The following INPP5A variants were observed in gnomAD, a reference collection of about 807,000 sequenced individuals.
The protein encoded by INPP5A is 43 kDa inositol polyphosphate 5-phophatase.
In INPP5A, 14 loss-of-function variants were observed where a neutral mutation model predicts 65.2. The ratio of observed to expected loss-of-function variants is 0.21; its 90% CI spans 0.14 to 0.34. The LOEUF (loss-of-function observed/expected upper bound fraction) is 0.34. INPP5A is among the 10% of genes least tolerant of loss of function. INPP5A has a pLI of 1.00. For missense variants in INPP5A, 431 were observed against 545.6 expected, an observed-to-expected ratio of 0.79 and a Z score of 2.09; for synonymous variants, 207 against 208.3, an observed-to-expected ratio of 0.99 and a Z score of 0.05.
intron 2 of INPP5A, 44 bp downstream of exon 2, chr10:132,608,000 C>T: frequency 6.4e-7 from 1 of 1,573,462 alleles, no homozygotes; most frequent in African/African-American, 1.3e-5. Context: ...ATTACTTAGC[C>T]AATAAGGTGC....
chr10:132,726,548 G>A (rs1389823959), intron 8 of INPP5A, among the ~76,000 whole-genome samples: 2 of 152,244 alleles, frequency 1.3e-5, no homozygotes, highest in Admixed American at 1.3e-4. Flanking sequence ...GGGTGAGGAG[G>A]CAGCTGAGAC....
rs372829913 is a variant in INPP5A, at chr10:132,587,589, C to A, written c.76-20326C>A. 1.4e-4 allele frequency among the ~76,000 whole-genome samples: 22 copies of A among 152,328 alleles called. 1 individual carries two copies. The highest frequency in any genetic ancestry group is 1.1e-3 in the Admixed American group (17 of 15,302). On this transcript the variant is annotated intron_variant, in intron 1 of 15. Coordinates refer to ENST00000368594, the MANE Select transcript of INPP5A (RefSeq NM_005539.5). The surrounding 1 kb of genome is among the most constrained non-coding windows in gnomAD (Gnocchi z 4.3). ...TTTAAACCTGCCTGAACTCCAGCCT[C>A]TCCCTCTTTGTTGTTTGTATGCCGT...
intron 2 of INPP5A, among the ~76,000 whole-genome samples, chr10:132,615,885 G>T (rs75279807): frequency 0.023 from 3,530 of 152,240 alleles, 47 homozygotes; most frequent in South Asian, 0.039. Flanking sequence ...GCTCTGGGCG[G>T]CTGGGATAAA....
At chr10:132,728,406 A>G (rs1171114135) in intron 9 of INPP5A, among the ~76,000 whole-genome samples, 1 of 152,222 alleles carries the variant, frequency 6.6e-6, no homozygotes, top group Non-Finnish European at 1.5e-5. Context: ...CATCCTTGCT[A>G]GAATCCATGT....
intron 8 of INPP5A, among the ~76,000 whole-genome samples, chr10:132,712,966 G>A (rs1845673412): frequency 1.3e-5 from 2 of 151,492 alleles, no homozygotes; most frequent in Admixed American, 1.3e-4. Context: ...GTGGGTGCAT[G>A]TGGATCTGTG....
chr10:132,562,216 A>G (rs181520019), intron 1 of INPP5A, among the ~76,000 whole-genome samples: 2 of 152,344 alleles, frequency 1.3e-5, no homozygotes, highest in East Asian at 1.9e-4. Flanking sequence ...GGTGCCAGGC[A>G]TGACCTCTGC....
intron 12 of INPP5A, among the ~76,000 whole-genome samples, chr10:132,770,172 C>T (rs1170842310): frequency 6.6e-6 from 1 of 152,194 alleles, no homozygotes; most frequent in Non-Finnish European, 1.5e-5. Flanking sequence ...CAGCGTCCCC[C>T]TCAGGATGCT....
At chr10:132,617,122 G>A (rs1040206831) in intron 2 of INPP5A, among the ~76,000 whole-genome samples, 12 of 152,252 alleles carry the variant, frequency 7.9e-5, no homozygotes, top group Admixed American at 2.0e-4. Flanking sequence ...CAAACACCGC[G>A]CCCTGGTTGG....
At chr10:132,757,737 G>A (rs1254364035) in intron 11 of INPP5A, among the ~76,000 whole-genome samples, 1 of 132,424 alleles carries the variant, frequency 7.6e-6, no homozygotes, top group Non-Finnish European at 1.8e-5. Flanking sequence ...GTGGGTCCCC[G>A]GCCGACCCCA....
intron 11 of INPP5A, among the ~76,000 whole-genome samples, chr10:132,751,959 A>G (rs1313155982): frequency 5.0e-4 from 27 of 54,274 alleles, no homozygotes; most frequent in South Asian, 2.1e-3. Context: ...CGTCTGCGTG[A>G]AAGGGGGTGC....
At chr10:132,683,108 T>C (rs1202225103) in intron 4 of INPP5A, among the ~76,000 whole-genome samples, 1 of 151,874 alleles carries the variant, frequency 6.6e-6, no homozygotes, top group African/African-American at 2.4e-5. Context: ...TGTGTTATCC[T>C]ATGTGGAGGG....
intron 4 of INPP5A, among the ~76,000 whole-genome samples, chr10:132,658,332 T>C (rs2072686538): frequency 6.6e-6 from 1 of 152,192 alleles, no homozygotes; most frequent in Non-Finnish European, 1.5e-5. Context: ...CATTATTTCT[T>C]TGGGGCTTAT....
In INPP5A at chr10:132,726,787, C is replaced by T. The variant is rs79497562; in HGVS notation, c.648-34C>T. The T allele has an allele frequency of 1.9e-4, 283 of 1,517,142 alleles. 2 individuals are homozygous for T. In the East Asian group the frequency reaches 3.8e-3, roughly 20 times the overall value. The allele number at this position is 1,517,142 out of a possible 1,614,324, so 94.0% of individuals were successfully genotyped here. ...GGGCATGAGGGCTGGCCGGCTTCAG[C>T]GCCCTCGGTAACAAGTCCTCTTTTT... On this transcript the variant is annotated intron_variant, in intron 8 of 15. Coordinates refer to ENST00000368594, the MANE Select transcript of INPP5A (RefSeq NM_005539.5).
chr10:132,672,894 C>T (rs142184168), intron 4 of INPP5A, among the ~76,000 whole-genome samples: 25 of 152,250 alleles, frequency 1.6e-4, no homozygotes, highest in Admixed American at 1.3e-4. Context: ...ATCACCTCAG[C>T]GGGTCGTGGT....
Position 132,682,707 on chromosome 10 carries a change from CTG to C in INPP5A, c.307-7679_307-7678del, listed in dbSNP as rs537066122. Among the ~76,000 whole-genome samples the C allele has an allele frequency of 7.2e-5, 11 of 152,222 alleles. No homozygotes were observed. The South Asian group carries it at 1.0e-3, about 14-fold the overall frequency. On this transcript the variant is annotated intron_variant, in intron 4 of 15. Coordinates refer to ENST00000368594, the MANE Select transcript of INPP5A (RefSeq NM_005539.5). The stretch of plus-strand genomic sequence containing the variant: ...CACGCATGTTTAATCAGCGTGTAAA[CTG>C]TGTGTTATCCTATGTGGAAGGCACG...
chr10:132,585,151 A>G (rs2071531751), intron 1 of INPP5A, among the ~76,000 whole-genome samples: 1 of 152,246 alleles, frequency 6.6e-6, no homozygotes, highest in Admixed American at 6.5e-5. Flanking sequence ...TTGACTACAT[A>G]TACAATAAAA....
intron 4 of INPP5A, among the ~76,000 whole-genome samples, chr10:132,685,860 C>T (rs2073108305): frequency 6.6e-6 from 1 of 152,346 alleles, no homozygotes; most frequent in Non-Finnish European, 1.5e-5. Flanking sequence ...ATTCAGCTCC[C>T]GAAATCAAGC....
intron 2 of INPP5A, among the ~76,000 whole-genome samples, chr10:132,611,606 T>A (rs1411268153): frequency 3.4e-4 from 18 of 52,758 alleles, no homozygotes; most frequent in Admixed American, 8.6e-4. Flanking sequence ...GGAGGTGAGG[T>A]AGGCAGGGGA....
chr10:132,712,751 C>T (rs531128430), intron 8 of INPP5A, among the ~76,000 whole-genome samples: 3 of 143,592 alleles, frequency 2.1e-5, no homozygotes, highest in Admixed American at 2.1e-4. Context: ...TGTGTAGGTG[C>T]ATGTGTCTGT....
Sources: allele counts gnomAD v4.1 joint callset (sites outside exome capture counted in the v4.1 genomes callset), GRCh38; gene constraint gnomAD v4.1.1; non-coding constraint Gnocchi (gnomAD v3.1); transcripts MANE v1.5; gene names NCBI Gene and HGNC (gene_info 2026-07-23, HGNC 2026-07-21).